The following TCHP variants were observed in gnomAD, a reference collection of about 807,000 sequenced individuals.
The protein encoded by TCHP is trichoplein keratin filament-binding protein.
In TCHP, 81 loss-of-function variants were observed where a neutral mutation model predicts 88.7. The ratio of observed to expected loss-of-function variants is 0.91; its 90% CI spans 0.76 to 1.10. TCHP has a LOEUF of 1.10. Among genes scored for constraint, TCHP ranks in the 50% least tolerant of loss-of-function variants. TCHP has a pLI of 0.00. For synonymous variants in TCHP, 232 were observed against 232.5 expected, an observed-to-expected ratio of 1.00 and a Z score of 0.02; for missense variants, 641 against 632.1, an observed-to-expected ratio of 1.01 and a Z score of -0.15.
At chr12:109,902,512 C>T (rs1021938870) in intron 1 of TCHP, among the ~76,000 whole-genome samples, 4 of 151,746 alleles carry the variant, frequency 2.6e-5, no homozygotes, top group Admixed American at 6.6e-5. Flanking sequence ...CTTGCACTGT[C>T]GCCTAGGCTG....
rs1366881056 is a variant in TCHP, at chr12:109,906,569, C to T, written c.457-3C>T. On this transcript the variant is annotated splice_region_variant and splice_polypyrimidine_tract_variant and intron_variant, in intron 4 of 12. Transcript: ENST00000405876. ...ATTCACATCGTCCCCCTTCCATCCT[C>T]AGATGGAGCTGGACCTTCACCAGAA... 1.2e-6 allele frequency: 2 copies of T among 1,612,698 alleles called. No homozygotes were observed. The highest frequency in any genetic ancestry group is 2.7e-5 in the African/African-American group (2 of 75,010).
At chr12:109,893,177 C>A in the TCHP span, among the ~76,000 whole-genome samples, 1 of 152,046 alleles carries the variant, frequency 6.6e-6, no homozygotes, top group Non-Finnish European at 1.5e-5. Context: ...GTCAGGAGTT[C>A]AAGACCAGCC....
intron 10 of TCHP, chr12:109,914,206 A>G (rs1870665032): frequency 5.5e-6 from 2 of 360,592 alleles, no homozygotes; most frequent in Non-Finnish European, 1.0e-5. Flanking sequence ...CATAGTACAC[A>G]GTCTGGATAC....
rs1870762365 is a variant in TCHP at position 109,915,510 on chromosome 12, G to A, written c.1428G>A (p.Glu476=). 2.5e-6 allele frequency: 4 copies of A among 1,614,116 alleles called. No homozygotes were observed. The highest frequency in any genetic ancestry group is 3.4e-6 in the Non-Finnish European group (4 of 1,180,026). The change falls in exon 12 of 13, where the codon GAG becomes GAA. Residue 476 remains glutamate, a synonymous_variant. Coordinates refer to ENST00000405876, the MANE Select transcript of TCHP (RefSeq NM_001143852.2). Reference sequence around the variant, plus strand: ...TCTCAGATGCCCTGCTGCAGCAGGAGGCGGAGACTATGGCTGAGCAGGGCT... The same window carrying A: ...TCTCAGATGCCCTGCTGCAGCAGGAAGCGGAGACTATGGCTGAGCAGGGCT... ...EQLSDALLQQ[E]AETMAEQGYR... is the part of the protein sequence containing the mutation.
At chr12:109,902,815 T>G (rs73205034) in intron 1 of TCHP, among the ~76,000 whole-genome samples, 12,546 of 152,212 alleles carry the variant, frequency 0.082, 552 homozygotes, top group Middle Eastern at 0.13. Context: ...TTTTAAAAAA[T>G]GCTGGTGCCT....
At chr12:109,909,011 G>T in intron 8 of TCHP, 74 bp downstream of exon 8, 13 of 1,386,858 alleles carry the variant, frequency 9.4e-6, no homozygotes, top group African/African-American at 1.4e-5. Flanking sequence ...CTTAGTATAT[G>T]AGTGCATTCT....
chr12:109,880,995 A>T, the TCHP span, among the ~76,000 whole-genome samples: 7 of 152,170 alleles, frequency 4.6e-5, no homozygotes, highest in Non-Finnish European at 7.3e-5. The surrounding 1 kb of genome is among the most constrained non-coding windows in gnomAD (Gnocchi z 5.1). Context: ...CTTGGTCTTC[A>T]ATGACCTTAT....
chr12:109,897,565 T>C (rs1869594062), upstream of TCHP, among the ~76,000 whole-genome samples: 1 of 147,726 alleles, frequency 6.8e-6, no homozygotes. Context: ...TTTCTTTCTT[T>C]CTTTTTTTTT....
intron 9 of TCHP, among the ~76,000 whole-genome samples, chr12:109,911,611 C>CAAAAA (rs1209414114): frequency 1.5e-4 from 7 of 45,520 alleles, no homozygotes; most frequent in Non-Finnish European, 1.8e-4. Flanking sequence ...GACTCTGTCT[C>CAAAAA]AAAAAAAAAA....
Position 109,911,195 on chromosome 12 carries a change from C to T in TCHP, c.1012C>T (p.Leu338=), listed in dbSNP as rs757933410. ...MKQAIEEQLQ[L]ERAREAELQM... ...GCAGGCCATTGAGGAGCAGCTGCAGCTGGAGCGGGCGCGGGAGGCAGAGCT... is the reference window on the plus strand; with the variant it reads ...GCAGGCCATTGAGGAGCAGCTGCAGTTGGAGCGGGCGCGGGAGGCAGAGCT... Residue 338 remains leucine (L), a synonymous_variant, in exon 9 of 13, where the codon CTG becomes TTG. Coordinates refer to ENST00000405876, the MANE Select transcript of TCHP (RefSeq NM_001143852.2). 1.3e-6 allele frequency: 2 copies of T among 1,588,854 alleles called. No individual in the cohort carries two copies. The highest frequency in any genetic ancestry group is 2.3e-5 in the South Asian group (2 of 87,042).
intron 8 of TCHP, among the ~76,000 whole-genome samples, chr12:109,909,401 C>T (rs1870354919): frequency 6.6e-6 from 1 of 152,188 alleles, no homozygotes. Flanking sequence ...CCCAGAGGTG[C>T]CTGTTTAGTT....
intron 8 of TCHP, among the ~76,000 whole-genome samples, chr12:109,909,656 C>A (rs1206869504): frequency 6.6e-6 from 1 of 152,200 alleles, no homozygotes; most frequent in African/African-American, 2.4e-5. Context: ...CCCATCTCTA[C>A]TAAAAATACA....
upstream of TCHP, among the ~76,000 whole-genome samples, chr12:109,899,498 C>T (rs1439404054): frequency 6.6e-6 from 1 of 151,990 alleles, no homozygotes; most frequent in Non-Finnish European, 1.5e-5. Flanking sequence ...ATTAGCTGGG[C>T]GTGGTGGCGT....
chr12:109,889,725 G>A, the TCHP span, among the ~76,000 whole-genome samples: 2 of 152,210 alleles, frequency 1.3e-5, no homozygotes, highest in South Asian at 2.1e-4. Context: ...GGCAGCCCTC[G>A]ATGAATGGTG....
At chr12:109,900,985 G>C (rs938945941) in intron 1 of TCHP, 5 of 152,252 alleles carry the variant, frequency 3.3e-5, no homozygotes, top group Admixed American at 1.3e-4. Flanking sequence ...TGCTTTCAAG[G>C]CTCCAGCTGT....
chr12:109,891,232 T>G, the TCHP span, among the ~76,000 whole-genome samples: 1 of 152,214 alleles, frequency 6.6e-6, no homozygotes, highest in African/African-American at 2.4e-5. Flanking sequence ...GAATTAATTT[T>G]ATAGTAAGCA....
At chr12:109,897,498 A>T (rs1869590469), upstream of TCHP, among the ~76,000 whole-genome samples, 1 of 152,108 alleles carries the variant, frequency 6.6e-6, no homozygotes, top group African/African-American at 2.4e-5. Context: ...GCACAAAATC[A>T]GGATCAGGTC....
intron 3 of TCHP, 91 bp downstream of exon 3, chr12:109,904,238 G>C: frequency 8.4e-7 from 1 of 1,184,946 alleles, no homozygotes; most frequent in Non-Finnish European, 1.2e-6. Context: ...TGGGTGCTCA[G>C]GTCTGATGAG....
In TCHP at chr12:109,917,548, G is replaced by A. The variant is rs559772898; in HGVS notation, c.*925G>A. On this transcript the variant is annotated 3_prime_UTR_variant, in exon 13 of 13. Transcript: ENST00000405876. The stretch of plus-strand genomic sequence containing the variant: ...ATTGGGAATGTCTTGGCTACTACAT[G>A]TAGCCTTCTGGGATATATGTGCCCA... 6.6e-6 allele frequency: 1 copy of A among 152,494 alleles called. No homozygotes were observed. The highest frequency in any genetic ancestry group is 2.4e-5 in the African/African-American group (1 of 41,554). The allele number at this position is 152,494 out of a possible 1,614,324, so 9.4% of individuals were successfully genotyped here.
Sources: gnomAD v4.1 joint callset for allele counts (sites outside exome capture counted in the v4.1 genomes callset) on GRCh38, gnomAD v4.1.1 for gene constraint, Gnocchi (gnomAD v3.1) non-coding constraint, MANE v1.5 for transcripts, NCBI Gene and HGNC (gene_info 2026-07-23, HGNC 2026-07-21) for gene names.